The following OR7A17 variants were observed in gnomAD, a reference collection of about 807,000 sequenced individuals.
OR7A17 encodes the protein olfactory receptor 7A17.
For synonymous variants in OR7A17, 159 were observed against 142.1 expected, an observed-to-expected ratio of 1.12 and a Z score of -0.85; for missense variants, 366 against 365.5, an observed-to-expected ratio of 1.00 and a Z score of -0.01.
In OR7A17 at chr19:14,879,448, A is replaced by T. The variant is rs961322973; in HGVS notation, c.*978T>A. 6.6e-6 allele frequency: 1 copy of T among 151,934 alleles called. No individual in the cohort carries two copies. Among genetic ancestry groups the T allele is most frequent in the African/African-American group, 2.4e-5 (1 of 41,320 alleles). 9.4% of individuals were successfully genotyped at this position (151,934 alleles called of 1,614,324 possible). A position where few individuals can be genotyped will look rare whatever the true frequency, so the allele number is the denominator to read the frequency against. ...AGCTAATTTTGTATTTTTGGTAGAGACGGGGTTTCTCCCTGTTGGTCAGCC... is the reference window on the plus strand; with the variant it reads ...AGCTAATTTTGTATTTTTGGTAGAGTCGGGGTTTCTCCCTGTTGGTCAGCC... On this transcript the variant is annotated 3_prime_UTR_variant, in exon 3 of 3. Transcript: ENST00000641113.
intron 1 of OR7A17, among the ~76,000 whole-genome samples, chr19:14,885,098 A>T (rs1764770505): frequency 6.6e-6 from 1 of 152,238 alleles, no homozygotes; most frequent in South Asian, 2.1e-4. Flanking sequence ...AAAAACTCTC[A>T]GTAAACTAGG....
Position 14,881,403 on chromosome 19 carries a change from TATTA to T in OR7A17, c.-52_-49del, listed in dbSNP as rs761463156. Reference sequence around the variant, plus strand: ...TTATTTATTTATTTATTTATTTATTTATTAACATAGACAGGGTCTCTCACTCTGT... The same window carrying T: ...TTATTTATTTATTTATTTATTTATTTACATAGACAGGGTCTCTCACTCTGT... On this transcript the variant is annotated 5_prime_UTR_variant, in exon 3 of 3. It removes the in-frame stop codon of an upstream open reading frame in the 5' UTR. Coordinates refer to ENST00000641113, the MANE Select transcript of OR7A17 (RefSeq NM_030901.2). 3.3e-4 allele frequency: 338 copies of T among 1,037,316 alleles called. 1 individual carries two copies. In the African/African-American group the frequency reaches 5.9e-3, roughly 18 times the overall value. 64.3% of individuals were successfully genotyped at this position (1,037,316 alleles called of 1,614,324 possible). A position where few individuals can be genotyped will look rare whatever the true frequency, so the allele number is the denominator to read the frequency against.
rs2045103834 is a variant in OR7A17, at chr19:14,880,714, G to A, written c.642C>T (p.Ile214=). 6.2e-7 allele frequency: 1 copy of A among 1,614,088 alleles called. No individual in the cohort carries two copies. Among genetic ancestry groups the A allele is most frequent in the African/African-American group, 1.3e-5 (1 of 74,922 alleles). The change falls in exon 3 of 3, where the codon ATC becomes ATT. Residue 214 remains isoleucine, a synonymous_variant. Transcript: ENST00000641113. ...GLLAGGPLVG[I]LCSYSKIVSS... Reference sequence around the variant, plus strand: ...AAACTATCTTAGAGTAAGAGCAAAGGATCCCCACAAGGGGACCACCAGCCA... The same window carrying A: ...AAACTATCTTAGAGTAAGAGCAAAGAATCCCCACAAGGGGACCACCAGCCA...
chr19:14,880,563 T>A lies in OR7A17; in HGVS notation c.793A>T (p.Thr265Ser), dbSNP rs1179188799. 6.2e-7 allele frequency: 1 copy of A among 1,614,048 alleles called. No homozygotes were observed. The highest frequency in any genetic ancestry group is 8.5e-7 in the Non-Finnish European group (1 of 1,180,002). Reference sequence around the variant, plus strand: ...GTTGCACTTGTGTGTGAGTTGTGGGTTGCAGCAGAAGTAAGGTACACACCT... The same window carrying A: ...GTTGCACTTGTGTGTGAGTTGTGGGATGCAGCAGAAGTAAGGTACACACCT... ...GLGVYLTSAA[T>S]HNSHTSATAS... Residue 265 changes from threonine to serine, a missense_variant, in exon 3 of 3, where the codon ACC becomes TCC. Transcript: ENST00000641113.
chr19:14,881,339 T>C lies in OR7A17; in HGVS notation c.17A>G (p.Asp6Gly). 1 of 1,484,322 alleles carries C rather than the reference T, an allele frequency of 6.7e-7. No individual in the cohort carries two copies. Among genetic ancestry groups the C allele is most frequent in the Non-Finnish European group, 9.0e-7 (1 of 1,115,454 alleles). 91.9% of individuals were successfully genotyped at this position (1,484,322 alleles called of 1,614,324 possible). ...AAGAACAAATTCTGAAATCCCTGTG[T>C]CATTCTCTGGTTCCATCTTTTTTTT... MEPEN[D>G]TGISEFVLLG... Residue 6 changes from aspartate (D) to glycine (G), a missense_variant, in exon 3 of 3, where the codon GAC (aspartate) becomes GGC (glycine). Transcript: ENST00000641113.
Position 14,880,389 on chromosome 19 carries a change from C to T in OR7A17, c.*37G>A. On this transcript the variant is annotated 3_prime_UTR_variant, in exon 3 of 3. Coordinates refer to ENST00000641113, the MANE Select transcript of OR7A17 (RefSeq NM_030901.2). ...CAATTTCTGAGTATGAGACTTAAAG[C>T]TCTGAAATCACAGTTATTTCTTGAA... 5.3e-6 allele frequency: 8 copies of T among 1,500,606 alleles called. No individual in the cohort carries two copies. Among genetic ancestry groups the T allele is most frequent in the Middle Eastern group, 1.8e-4 (1 of 5,626 alleles). 93.0% of individuals were successfully genotyped at this position (1,500,606 alleles called of 1,614,324 possible).
chr19:14,880,225 AAAAAG>A lies in OR7A17; in HGVS notation c.*196_*200del. ...GGAAAATGACAAAAAAAAAAAAAAA[AAAAAG>A]ATTGGATATCAGAGAGCGGAAAGCT... On this transcript the variant is annotated 3_prime_UTR_variant, in exon 3 of 3. Transcript: ENST00000641113. 1 of 293,598 alleles carries A rather than the reference AAAAAG, an allele frequency of 3.4e-6. No individual in the cohort carries two copies. The highest frequency in any genetic ancestry group is 1.2e-4 in the South Asian group (1 of 8,506). The allele number at this position is 293,598 out of a possible 1,614,324, so 18.2% of individuals were successfully genotyped here.
At position 14,880,855 on chromosome 19, in the gene OR7A17, G is replaced by A. The variant is rs568605204; in HGVS notation, c.501C>T (p.Ser167=). ...GGGGGATTTCCAAGTCTGTGCAGAA[G>A]GACAGCCACAATACCATTAAGCTTT... ...LSQSLMVLWL[S]FCTDLEIPHF... is the part of the protein sequence containing the mutation. The change falls in exon 3 of 3, where the codon TCC becomes TCT. Residue 167 remains serine, a synonymous_variant. Transcript: ENST00000641113. 2.8e-5 allele frequency: 45 copies of A among 1,614,182 alleles called. No homozygotes were observed. In the South Asian group the frequency reaches 4.3e-4, roughly 15 times the overall value.
chr19:14,884,274 T>A (rs1568267785), intron 1 of OR7A17, among the ~76,000 whole-genome samples: 1 of 152,122 alleles, frequency 6.6e-6, no homozygotes, highest in Non-Finnish European at 1.5e-5. Context: ...TGACCAAAAA[T>A]GTTTCCTTAA....
chr19:14,880,529 A>G lies in OR7A17; in HGVS notation c.827T>C (p.Val276Ala). ...CATGGGGGTGGCCACAGTGTACATC[A>G]CTGAGGCTGTTGCACTTGTGTGTGA... Reference protein sequence around the residue: ...HNSHTSATASVMYTVATPMLN... With the variant: ...HNSHTSATASAMYTVATPMLN... The change falls in exon 3 of 3, where the codon GTG becomes GCG. Residue 276 changes from valine (V) to alanine (A), a missense_variant. Coordinates refer to ENST00000641113, the MANE Select transcript of OR7A17 (RefSeq NM_030901.2). 1 of 1,614,136 alleles carries G rather than the reference A, an allele frequency of 6.2e-7. No individual in the cohort carries two copies. The highest frequency in any genetic ancestry group is 8.5e-7 in the Non-Finnish European group (1 of 1,180,020).
rs2045091379 is a variant in OR7A17 at position 14,878,728 on chromosome 19, T to C, written c.*1698A>G. The C allele has an allele frequency of 6.6e-6, 1 of 152,080 alleles. No individual in the cohort carries two copies. The highest frequency in any genetic ancestry group is 1.5e-5 in the Non-Finnish European group (1 of 68,080). The allele number at this position is 152,080 out of a possible 1,614,324, so 9.4% of individuals were successfully genotyped here. A position where few individuals can be genotyped will look rare whatever the true frequency, so the allele number is the denominator to read the frequency against. On this transcript the variant is annotated 3_prime_UTR_variant, in exon 3 of 3. Transcript: ENST00000641113. ...GGAGTCTCTGTCACCCAGGCTGGAG[T>C]GCAGTGGTGTGATCTCAGCTCACTG...
At chr19:14,882,051 A>G (rs1217232179) in intron 1 of OR7A17, among the ~76,000 whole-genome samples, 180 bp from the exon 2 acceptor site, 1 of 151,436 alleles carries the variant, frequency 6.6e-6, no homozygotes, top group Middle Eastern at 3.2e-3. Flanking sequence ...TCTCCTTGCC[A>G]TCTCTGATTA....
Position 14,881,866 on chromosome 19 carries a change from A to G in OR7A17, c.-289T>C, listed in dbSNP as rs901631162. ...CAATATATCATCATGAACTATATTC[A>G]CCATGCTGTAAAATAAATATTTTGA... On this transcript the variant is annotated 5_prime_UTR_variant, in exon 2 of 3. Transcript: ENST00000641113. 1.2e-4 allele frequency: 18 copies of G among 152,244 alleles called. No individual in the cohort carries two copies. The highest frequency in any genetic ancestry group is 4.3e-4 in the African/African-American group (18 of 41,438). 9.4% of individuals were successfully genotyped at this position (152,244 alleles called of 1,614,324 possible). A position where few individuals can be genotyped will look rare whatever the true frequency, so the allele number is the denominator to read the frequency against.
At chr19:14,881,679 A>C (rs2045113211) in intron 2 of OR7A17, 95 bp downstream of exon 2, 1 of 156,350 alleles carries the variant, frequency 6.4e-6, no homozygotes, top group Non-Finnish European at 1.4e-5. Flanking sequence ...ATGGTGACAG[A>C]TAAAATGGTA....
At chr19:14,884,833 T>G (rs1192456279) in intron 1 of OR7A17, 1 of 151,978 alleles carries the variant, frequency 6.6e-6, no homozygotes, top group Non-Finnish European at 1.5e-5. Flanking sequence ...AAAGAGAAAA[T>G]TTCAGGCCAA....
At chr19:14,884,970 A>G (rs1328868630) in intron 1 of OR7A17, among the ~76,000 whole-genome samples, 1 of 152,234 alleles carries the variant, frequency 6.6e-6, no homozygotes, top group Non-Finnish European at 1.5e-5. Context: ...GGCTGGTTCA[A>G]CATATGCAAA....
chr19:14,881,396 A>G lies in OR7A17; in HGVS notation c.-41T>C. 2 of 1,162,582 alleles carry G rather than the reference A, an allele frequency of 1.7e-6. No homozygotes were observed. Among genetic ancestry groups the G allele is most frequent in the Non-Finnish European group, 2.2e-6 (2 of 905,278 alleles). The allele number at this position is 1,162,582 out of a possible 1,614,324, so 72.0% of individuals were successfully genotyped here. On this transcript the variant is annotated 5_prime_UTR_variant, in exon 3 of 3. An upstream open reading frame in the 5' UTR loses its in-frame stop. Transcript: ENST00000641113. ...TATTTATTTATTTATTTATTTATTT[A>G]TTTATTTATTAACATAGACAGGGTC... is the stretch of plus-strand genomic sequence containing the variant.
chr19:14,883,996 A>G (rs1169083613), intron 1 of OR7A17, among the ~76,000 whole-genome samples: 2 of 152,204 alleles, frequency 1.3e-5, no homozygotes, highest in African/African-American at 4.8e-5. Flanking sequence ...TTGCAATCCA[A>G]TTTAGTTGCA....
At chr19:14,882,235 CAG>C (rs964845394) in intron 1 of OR7A17, among the ~76,000 whole-genome samples, 6 of 152,140 alleles carry the variant, frequency 3.9e-5, no homozygotes, top group African/African-American at 1.4e-4. Context: ...TGCTATAAAA[CAG>C]AGTCCCTACA....
Sources: gnomAD v4.1 joint callset for allele counts (sites outside exome capture counted in the v4.1 genomes callset) on GRCh38, gnomAD v4.1.1 for gene constraint, MANE v1.5 for transcripts, NCBI Gene and HGNC (gene_info 2026-07-23, HGNC 2026-07-21) for gene names.